The following MED27 variants were observed in gnomAD, a reference collection of about 807,000 sequenced individuals.
MED27 encodes the protein mediator of RNA polymerase II transcription subunit 27.
A neutral mutation model predicts 38.2 loss-of-function variants in MED27; 30 were observed. That is an observed-to-expected ratio of 0.79 (90% CI 0.59 to 1.07). The LOEUF is 1.07. Ranked by LOEUF, MED27 falls within the 50% of genes least tolerant of loss-of-function variation. The pLI is 0.00. For synonymous variants in MED27, 122 were observed against 153.5 expected (o/e 0.79, Z 1.52); for missense variants, 289 against 397.5 (o/e 0.73, Z 2.32).
chr9:131,906,476 G>C (rs1830065318), intron 4 of MED27, among the ~76,000 whole-genome samples: 1 of 152,160 alleles, frequency 6.6e-6, no homozygotes, highest in South Asian at 2.1e-4. Flanking sequence ...GGGCAAGAGT[G>C]TGGCTGGCCA....
At chr9:131,963,825 C>T (rs1831274967) in intron 3 of MED27, among the ~76,000 whole-genome samples, 1 of 152,136 alleles carries the variant, frequency 6.6e-6, no homozygotes, top group South Asian at 2.1e-4. Context: ...TGCATGTTTC[C>T]AAATTCGTTA....
intron 3 of MED27, among the ~76,000 whole-genome samples, chr9:131,955,430 A>C (rs1831076855): frequency 6.6e-6 from 1 of 152,220 alleles, no homozygotes; most frequent in African/African-American, 2.4e-5. Context: ...AAATCAATGA[A>C]ATAGAAGACA....
chr9:132,071,067 C>T (rs763657839), intron 2 of MED27, among the ~76,000 whole-genome samples: 4 of 152,186 alleles, frequency 2.6e-5, no homozygotes, highest in Non-Finnish European at 5.9e-5. Context: ...TAATAGCAGC[C>T]ACTGGAGAGT....
At chr9:131,957,265 CTT>C (rs575713447) in intron 3 of MED27, among the ~76,000 whole-genome samples, 6 of 146,098 alleles carry the variant, frequency 4.1e-5, no homozygotes, top group Admixed American at 6.8e-5. Flanking sequence ...TTCTTTTATT[CTT>C]TTTTTTTTTT....
chr9:132,065,051 A>G (rs572775613), intron 2 of MED27, among the ~76,000 whole-genome samples: 15 of 152,338 alleles, frequency 9.8e-5, no homozygotes, highest in African/African-American at 3.6e-4. Context: ...AAATGCATAT[A>G]GACTGGATGG....
intron 6 of MED27, among the ~76,000 whole-genome samples, chr9:131,882,742 G>A (rs548505158): frequency 3.7e-4 from 57 of 152,260 alleles, no homozygotes; most frequent in African/African-American, 1.3e-3. Flanking sequence ...CCCCTACAAA[G>A]GCTTCCTCTG....
At chr9:132,014,139 G>C (rs1470207139) in intron 3 of MED27, among the ~76,000 whole-genome samples, 198 bp downstream of exon 3, 3 of 151,998 alleles carry the variant, frequency 2.0e-5, no homozygotes, top group South Asian at 2.1e-4. Context: ...TCGAGGGGGT[G>C]GGGGAGGGCA....
chr9:131,994,944 G>C (rs771089066), intron 3 of MED27, among the ~76,000 whole-genome samples: 3 of 152,094 alleles, frequency 2.0e-5, no homozygotes, highest in Non-Finnish European at 4.4e-5. Context: ...AAAAATCCAT[G>C]GCAGCTGCAT....
intron 2 of MED27, among the ~76,000 whole-genome samples, chr9:132,029,754 A>G (rs1589276179): frequency 6.6e-6 from 1 of 152,068 alleles, no homozygotes; most frequent in African/African-American, 2.4e-5. Flanking sequence ...CTGGCTTTCT[A>G]TGATTAAGCA....
chr9:131,944,675 G>C (rs1392133823), intron 3 of MED27, among the ~76,000 whole-genome samples: 1 of 151,968 alleles, frequency 6.6e-6, no homozygotes, highest in Non-Finnish European at 1.5e-5. Flanking sequence ...GGGATTACAG[G>C]CACCCGCCAC....
At chr9:131,999,221 G>A (rs1461040345) in intron 3 of MED27, among the ~76,000 whole-genome samples, 1 of 152,192 alleles carries the variant, frequency 6.6e-6, no homozygotes, top group Non-Finnish European at 1.5e-5. Context: ...AAACATAGCA[G>A]GGTAAGAGAG....
At chr9:131,970,437 A>G (rs1219349198) in intron 3 of MED27, among the ~76,000 whole-genome samples, 1 of 152,232 alleles carries the variant, frequency 6.6e-6, no homozygotes, top group Non-Finnish European at 1.5e-5. Context: ...TCTCCACGGA[A>G]GAGCCCTCCA....
chr9:132,010,331 C>T (rs1426555198), intron 3 of MED27, among the ~76,000 whole-genome samples: 7 of 152,160 alleles, frequency 4.6e-5, no homozygotes, highest in Non-Finnish European at 1.0e-4. Flanking sequence ...ACCACAATGA[C>T]ATACCATCTC....
chr9:132,062,294 A>G (rs929332247), intron 2 of MED27, among the ~76,000 whole-genome samples: 1 of 152,264 alleles, frequency 6.6e-6, no homozygotes, highest in African/African-American at 2.4e-5. Flanking sequence ...GAATCAGGCC[A>G]TGATGTGGGC....
chr9:131,867,866 C>T (rs2131453794), intron 6 of MED27, among the ~76,000 whole-genome samples: 1 of 152,328 alleles, frequency 6.6e-6, no homozygotes, highest in Non-Finnish European at 1.5e-5. Context: ...GTTGGCACTG[C>T]CAGCTGACTC....
In MED27 at chr9:131,862,231, CCTTGCTAACAGGTCTTTGGAGT is replaced by C. The variant is rs1279649335; in HGVS notation, c.801+810_801+831del. Among the ~76,000 whole-genome samples, 1 of 152,180 alleles carries C rather than the reference CCTTGCTAACAGGTCTTTGGAGT, an allele frequency of 6.6e-6. No individual in the cohort carries two copies. Among genetic ancestry groups the C allele is most frequent in the African/African-American group, 2.4e-5 (1 of 41,424 alleles). On this transcript the variant is annotated intron_variant, in intron 7 of 7. Coordinates refer to ENST00000292035, the MANE Select transcript of MED27 (RefSeq NM_004269.4). This position sits in a 1 kb window ranked among gnomAD's most constrained non-coding sequence, Gnocchi z 4.6. ...TGTGATAAGATGCACACTGATTTGG[CCTTGCTAACAGGTCTTTGGAGT>C]CGGTTCTCTAACCGGCAGACTTTCT...
chr9:131,956,079 T>C (rs1589232558), intron 3 of MED27, among the ~76,000 whole-genome samples: 1 of 152,336 alleles, frequency 6.6e-6, no homozygotes, highest in African/African-American at 2.4e-5. Flanking sequence ...CATTCAAAAA[T>C]CAACCCATGC....
intron 6 of MED27, among the ~76,000 whole-genome samples, chr9:131,868,295 T>C (rs1838769710): frequency 6.6e-6 from 1 of 152,244 alleles, no homozygotes; most frequent in South Asian, 2.1e-4. Flanking sequence ...TTCTTTTCTT[T>C]TGAGACAGGG....
intron 4 of MED27, among the ~76,000 whole-genome samples, chr9:131,934,308 G>C (rs549959788): frequency 1.3e-5 from 2 of 152,160 alleles, no homozygotes; most frequent in African/African-American, 4.8e-5. Context: ...CTTCTGTACT[G>C]CAAAGGAAAC....
Sources: allele counts gnomAD v4.1 joint callset (sites outside exome capture counted in the v4.1 genomes callset), GRCh38; gene constraint gnomAD v4.1.1; non-coding constraint Gnocchi (gnomAD v3.1); transcripts MANE v1.5; gene names NCBI Gene and HGNC (gene_info 2026-07-23, HGNC 2026-07-21).